Variants in FGD5 observed in about 807,000 individuals in gnomAD.
FGD5 encodes the protein FYVE, RhoGEF and PH domain-containing protein 5.
A neutral mutation model predicts 133.4 loss-of-function variants in FGD5; 28 were observed. The observed-to-expected ratio is 0.21, with a 90% CI of 0.16 to 0.29. FGD5 has a LOEUF of 0.29. Among genes scored for constraint, FGD5 ranks in the 10% least tolerant of loss-of-function variants. The pLI is 1.00. For missense variants in FGD5, 1,858 were observed against 1,895.2 expected (o/e 0.98, Z 0.36); for synonymous variants, 810 against 776.5 (o/e 1.04, Z -0.72).
At chr3:14,826,895 G>T (rs888791541) in intron 1 of FGD5, among the ~76,000 whole-genome samples, 1 of 152,120 alleles carries the variant, frequency 6.6e-6, no homozygotes, top group African/African-American at 2.4e-5. Flanking sequence ...GGCATGAACT[G>T]TACCTCTGAC....
intron 4 of FGD5, among the ~76,000 whole-genome samples, chr3:14,883,001 G>A (rs1393467878): frequency 1.3e-5 from 2 of 152,156 alleles, no homozygotes; most frequent in Non-Finnish European, 2.9e-5. Flanking sequence ...AGCTGACGGT[G>A]TCCCCCAAAT....
chr3:14,907,566 C>T, intron 9 of FGD5, 74 bp from the exon 10 acceptor site: 3 of 1,373,276 alleles, frequency 2.2e-6, no homozygotes, highest in Non-Finnish European at 3.0e-6. Flanking sequence ...GAAGCAACGC[C>T]ATGCCTTACA....
At chr3:14,891,361 C>T (rs1038121009) in intron 4 of FGD5, among the ~76,000 whole-genome samples, 1 of 152,222 alleles carries the variant, frequency 6.6e-6, no homozygotes, top group Non-Finnish European at 1.5e-5. Flanking sequence ...CCTCCTGTGC[C>T]CTCTAAAACA....
chr3:14,891,062 A>G (rs543652896), intron 4 of FGD5, among the ~76,000 whole-genome samples: 50 of 152,306 alleles, frequency 3.3e-4, no homozygotes, highest in Middle Eastern at 6.8e-3. Flanking sequence ...TTGTCAGACA[A>G]TGCCCACACA....
intron 11 of FGD5, among the ~76,000 whole-genome samples, chr3:14,915,116 C>T (rs770873507): frequency 3.3e-4 from 50 of 152,230 alleles, no homozygotes; most frequent in Non-Finnish European, 6.6e-4. Context: ...CATTCCATAC[C>T]TGGCCCCTAC....
chr3:14,907,623 C>T lies in FGD5; in HGVS notation c.3265-17C>T. On this transcript the variant is annotated splice_polypyrimidine_tract_variant and intron_variant, in intron 9 of 19. Transcript: ENST00000285046. ...GGGGCCCTGACCATCTCTCCCTCACCCCATTCCCACCCACAGGAAAACCTG... is the reference window on the plus strand; with the variant it reads ...GGGGCCCTGACCATCTCTCCCTCACTCCATTCCCACCCACAGGAAAACCTG... 1 of 1,612,672 alleles carries T rather than the reference C, an allele frequency of 6.2e-7. No individual in the cohort carries two copies. Among genetic ancestry groups the T allele is most frequent in the East Asian group, 2.2e-5 (1 of 44,788 alleles).
intron 1 of FGD5, among the ~76,000 whole-genome samples, chr3:14,828,911 T>C (rs1042629064): frequency 4.1e-5 from 6 of 148,086 alleles, no homozygotes; most frequent in Admixed American, 3.4e-4. Flanking sequence ...AACCTCTGCC[T>C]CCCAGGTTCA....
chr3:14,885,845 A>C (rs1460240778), intron 4 of FGD5, among the ~76,000 whole-genome samples: 1 of 152,192 alleles, frequency 6.6e-6, no homozygotes, highest in Non-Finnish European at 1.5e-5. Flanking sequence ...TCTCCTATTC[A>C]ATGGGAGGAA....
intron 18 of FGD5, among the ~76,000 whole-genome samples, chr3:14,930,574 CT>C (rs138742241): frequency 0.032 from 4,922 of 152,096 alleles, 201 homozygotes; most frequent in African/African-American, 0.092. Context: ...TCCAGTCAGA[CT>C]TTTTTTTCCC....
At chr3:14,926,299 C>T (rs1559509423) in intron 18 of FGD5, 101 bp downstream of exon 18, 2 of 1,502,494 alleles carry the variant, frequency 1.3e-6, no homozygotes, top group South Asian at 2.4e-5. Flanking sequence ...TGAGTCCTGG[C>T]TGCTGAGCCA....
At position 14,820,156 on chromosome 3, in the gene FGD5, G is replaced by A. The variant is rs147310622; in HGVS notation, c.1085G>A (p.Cys362Tyr). The A allele has an allele frequency of 9.0e-5, 146 of 1,613,906 alleles. No individual in the cohort carries two copies. The highest frequency in any genetic ancestry group is 1.1e-4 in the Non-Finnish European group (132 of 1,179,890). Reference protein sequence around the residue: ...TESTSFCSESCSPLSESAKGL... With the variant: ...TESTSFCSESYSPLSESAKGL... ...AGCACCTCTTTTTGCAGCGAGAGCT[G>A]TTCTCCTCTTTCTGAATCAGCGAAA... is the stretch of plus-strand genomic sequence containing the variant. Residue 362 changes from cysteine to tyrosine, a missense_variant, in exon 1 of 20, where the codon TGT (cysteine) becomes TAT (tyrosine). Coordinates refer to ENST00000285046, the MANE Select transcript of FGD5 (RefSeq NM_152536.4).
intron 1 of FGD5, among the ~76,000 whole-genome samples, chr3:14,857,308 C>T (rs755165660): frequency 6.6e-6 from 1 of 152,070 alleles, no homozygotes; most frequent in Non-Finnish European, 1.5e-5. Flanking sequence ...TAGGGATGAG[C>T]CACTACATTC....
intron 2 of FGD5, among the ~76,000 whole-genome samples, chr3:14,873,699 A>G (rs1287637863): frequency 1.3e-5 from 2 of 151,974 alleles, no homozygotes; most frequent in Non-Finnish European, 2.9e-5. Context: ...CACTGTGGCA[A>G]GAACGTTTAA....
chr3:14,844,689 A>C (rs2037011906), intron 1 of FGD5, among the ~76,000 whole-genome samples: 1 of 152,070 alleles, frequency 6.6e-6, no homozygotes, highest in African/African-American at 2.4e-5. Context: ...TAGTCACTTC[A>C]TGTCTCTGTG....
At chr3:14,887,327 G>T (rs1256665766) in intron 4 of FGD5, among the ~76,000 whole-genome samples, 4 of 152,204 alleles carry the variant, frequency 2.6e-5, no homozygotes, top group African/African-American at 9.6e-5. Context: ...TGTATCCAGT[G>T]AATGAGTGAT....
At chr3:14,864,414 G>A (rs1176397743) in intron 2 of FGD5, among the ~76,000 whole-genome samples, 154 bp downstream of exon 2, 1 of 152,218 alleles carries the variant, frequency 6.6e-6, no homozygotes, top group Admixed American at 6.5e-5. Context: ...GCATCAGGGC[G>A]CTAGGAAGCA....
Position 14,921,918 on chromosome 3 carries a change from C to T in FGD5, c.3570C>T (p.Ser1190=). The change falls in exon 14 of 20, where the codon AGC becomes AGT. Residue 1190 remains serine, a splice_region_variant and synonymous_variant. Transcript: ENST00000285046. ...TSESCLMLSA[S]SCAERDEWYG... is the part of the protein sequence containing the mutation. ...TGCTCACTCCAGCCCATGCCCGCAG[C>T]TCCTGTGCAGAGAGGGACGAGTGGT... 3 of 1,564,192 alleles carry T rather than the reference C, an allele frequency of 1.9e-6. No homozygotes were observed. Among genetic ancestry groups the T allele is most frequent in the Non-Finnish European group, 2.6e-6 (3 of 1,154,130 alleles).
At position 14,922,423 on chromosome 3, in the gene FGD5, C is replaced by A; in HGVS notation, c.3682C>A (p.Leu1228Met). The A allele has an allele frequency of 6.4e-7, 1 of 1,567,804 alleles. No homozygotes were observed. Residue 1228 changes from leucine (L) to methionine (M), a missense_variant, in exon 15 of 20, where the codon CTG becomes ATG. By Grantham distance (15) the Leu-to-Met change is conservative. Coordinates refer to ENST00000285046, the MANE Select transcript of FGD5 (RefSeq NM_152536.4). This position sits in a 1 kb window ranked among gnomAD's most constrained non-coding sequence, Gnocchi z 4.1. ...FHHSVEIRER[L>M]GVSLGERPPT... ...TCTGTTGCTGCAGATACGAGAGAGGCTGGGGGTTAGCCTTGGGGAGAGGCC... is the reference window on the plus strand; with the variant it reads ...TCTGTTGCTGCAGATACGAGAGAGGATGGGGGTTAGCCTTGGGGAGAGGCC...
At chr3:14,845,387 C>T (rs1343874541) in intron 1 of FGD5, among the ~76,000 whole-genome samples, 1 of 152,180 alleles carries the variant, frequency 6.6e-6, no homozygotes, top group Non-Finnish European at 1.5e-5. Context: ...ATGGGGATGC[C>T]CCTCCCCTTC....
Sources: allele counts gnomAD v4.1 joint callset (sites outside exome capture counted in the v4.1 genomes callset), GRCh38; gene constraint gnomAD v4.1.1; non-coding constraint Gnocchi (gnomAD v3.1); transcripts MANE v1.5; gene names NCBI Gene and HGNC (gene_info 2026-07-23, HGNC 2026-07-21).